TENM1: variants seen among roughly 807,000 people sequenced by gnomAD.
TENM1 encodes teneurin transmembrane protein 1.
A neutral mutation model predicts 174.8 loss-of-function variants in TENM1; 35 were observed. The ratio of observed to expected loss-of-function variants is 0.20; its 90% CI spans 0.15 to 0.27. TENM1 has a LOEUF of 0.27. TENM1 is among the 10% of genes least tolerant of loss of function. The pLI is 1.00. For synonymous variants in TENM1, 781 were observed against 798.7 expected (o/e 0.98, Z 0.37); for missense variants, 1,633 against 2,130.1 (o/e 0.77, Z 4.59).
chrX:124,802,283 T>C (rs942536733), intron 3 of TENM1, among the ~76,000 whole-genome samples: 4 of 111,874 alleles, frequency 3.6e-5, no homozygotes, highest in Non-Finnish European at 5.6e-5. Flanking sequence ...CTGGCCCTTC[T>C]ATAGGGTTTT....
the TENM1 span, among the ~76,000 whole-genome samples, chrX:124,982,578 T>C: frequency 2.7e-5 from 3 of 111,975 alleles, no homozygotes; most frequent in African/African-American, 6.5e-5. Flanking sequence ...GAACCTTTGC[T>C]ACCAGCTCAA....
At chrX:125,095,528 A>G in the TENM1 span, among the ~76,000 whole-genome samples, 1 of 112,001 alleles carries the variant, frequency 8.9e-6, no homozygotes, top group African/African-American at 3.2e-5. Flanking sequence ...ATGTTTAAAC[A>G]GCAATTATAT....
chrX:124,577,086 G>T (rs754329109), intron 11 of TENM1, among the ~76,000 whole-genome samples: 1 of 112,193 alleles, frequency 8.9e-6, no homozygotes, highest in African/African-American at 3.2e-5. Context: ...AGAGCTCACA[G>T]ACTTGTCTTC....
At chrX:125,152,573 A>G in the TENM1 span, among the ~76,000 whole-genome samples, 1 of 112,136 alleles carries the variant, frequency 8.9e-6, no homozygotes, top group African/African-American at 3.2e-5. Flanking sequence ...ATACAGTTCT[A>G]GGAACATAAG....
At chrX:125,076,591 G>A in the TENM1 span, among the ~76,000 whole-genome samples, 2 of 111,122 alleles carry the variant, frequency 1.8e-5, no homozygotes, top group South Asian at 3.8e-4. Context: ...ATTGCAGCTC[G>A]GCCCTGGGCC....
At chrX:124,414,623 T>A (rs752211311) in intron 25 of TENM1, among the ~76,000 whole-genome samples, 3 of 111,357 alleles carry the variant, frequency 2.7e-5, no homozygotes, top group African/African-American at 9.8e-5. Flanking sequence ...GTGTGCAATT[T>A]TGATCCTGGT....
intron 3 of TENM1, among the ~76,000 whole-genome samples, chrX:124,745,430 A>G (rs760603964): frequency 3.6e-4 from 40 of 111,876 alleles, no homozygotes; most frequent in African/African-American, 1.1e-3. Context: ...GCTCAGATAT[A>G]GGATCAAAAC....
At chrX:125,158,394 T>A in the TENM1 span, among the ~76,000 whole-genome samples, 1 of 41,598 alleles carries the variant, frequency 2.4e-5, no homozygotes. Context: ...AGAGCAAGAA[T>A]CCATCTCAAA....
At chrX:124,471,112 C>T (rs1488394456) in intron 22 of TENM1, among the ~76,000 whole-genome samples, 1 of 85,328 alleles carries the variant, frequency 1.2e-5, no homozygotes, top group Admixed American at 1.6e-4. Flanking sequence ...TCTCTATATA[C>T]ATAGAGAGAA....
the TENM1 span, among the ~76,000 whole-genome samples, chrX:125,123,455 T>TA: frequency 1.5e-5 from 1 of 66,582 alleles, no homozygotes; most frequent in Non-Finnish European, 3.0e-5. Flanking sequence ...AAAATAAAAA[T>TA]AAAATTAGCC....
rs143780819 is a variant in TENM1 at position 124,613,039 on chromosome X, T to C, written c.2077+28752A>G. Among the ~76,000 whole-genome samples, 368 of 111,478 alleles carry C rather than the reference T, an allele frequency of 3.3e-3. 1 individual carries two copies. The highest frequency in any genetic ancestry group is 0.011 in the African/African-American group (348 of 30,714). On this transcript the variant is annotated intron_variant, in intron 11 of 31. Coordinates refer to ENST00000422452, the Ensembl canonical transcript of TENM1. The stretch of plus-strand genomic sequence containing the variant: ...CATCCTATGGATGGAACGTTACCTT[T>C]CATTGCCTTCTACAATGTGTAAAGT...
intron 4 of TENM1, among the ~76,000 whole-genome samples, chrX:124,735,414 C>G (rs894729460): frequency 6.3e-5 from 7 of 111,796 alleles, no homozygotes; most frequent in African/African-American, 2.3e-4. Context: ...GATCTCATAC[C>G]ATTCAGAATG....
chrX:124,922,346 T>C (rs1168106145), intron 1 of TENM1, among the ~76,000 whole-genome samples: 1 of 111,798 alleles, frequency 8.9e-6, no homozygotes, highest in Non-Finnish European at 1.9e-5. Context: ...CCTTGAGATT[T>C]AGGAAGTATA....
chrX:124,869,181 C>T (rs1397537480), intron 3 of TENM1, among the ~76,000 whole-genome samples: 3 of 109,447 alleles, frequency 2.7e-5, no homozygotes, highest in East Asian at 2.9e-4. Flanking sequence ...TGCAGTGAGC[C>T]GAGATCATGC....
the TENM1 span, among the ~76,000 whole-genome samples, chrX:125,069,003 A>G: frequency 1.4e-4 from 16 of 111,695 alleles, no homozygotes; most frequent in Non-Finnish European, 2.6e-4. Context: ...ACACAAGCCA[A>G]TAGTAGTTTT....
upstream of TENM1, among the ~76,000 whole-genome samples, chrX:124,966,661 CAA>C (rs752282277): frequency 1.6e-5 from 1 of 61,561 alleles, no homozygotes. Context: ...GACTCCGTCT[CAA>C]AAAAAAAAAA....
rs528724962 is a variant in TENM1, at chrX:124,445,227, G to A, written c.4104+8110C>T. 4.2e-4 allele frequency among the ~76,000 whole-genome samples: 47 copies of A among 111,777 alleles called. No homozygotes were observed. In the Middle Eastern group the frequency reaches 0.014, roughly 33 times the overall value. ...GTTGCAGTAAGACTGGATGGTGAAAGTTAAAGGAAGACAAAAAGTCAAAGG... is the reference window on the plus strand; with the variant it reads ...GTTGCAGTAAGACTGGATGGTGAAAATTAAAGGAAGACAAAAAGTCAAAGG... On this transcript the variant is annotated intron_variant, in intron 23 of 31. Coordinates refer to ENST00000422452, the Ensembl canonical transcript of TENM1.
chrX:124,851,438 T>A (rs2056717980), intron 3 of TENM1, among the ~76,000 whole-genome samples: 1 of 111,686 alleles, frequency 9.0e-6, no homozygotes, highest in African/African-American at 3.2e-5. Context: ...AAGAAAAGTA[T>A]CTAAGGGGCA....
rs189723543 is a variant in TENM1 at position 124,961,289 on chromosome X, T to C, written c.217+2248A>G. 1.4e-3 allele frequency among the ~76,000 whole-genome samples: 162 copies of C among 111,885 alleles called. 1 individual carries two copies. The highest frequency in any genetic ancestry group is 5.0e-3 in the African/African-American group (155 of 30,850). On this transcript the variant is annotated intron_variant, in intron 1 of 31. Coordinates refer to ENST00000422452, the Ensembl canonical transcript of TENM1. ...AAATTTTATGGAAAATAGAGATCTG[T>C]CATGATCCCCATCTTTATTGAGTAT...
Sources: gnomAD v4.1 joint callset for allele counts (sites outside exome capture counted in the v4.1 genomes callset) on GRCh38, gnomAD v4.1.1 for gene constraint, MANE v1.5 for transcripts, NCBI Gene and HGNC (gene_info 2026-07-23, HGNC 2026-07-21) for gene names.